The following DGKB variants were observed in gnomAD, a reference collection of about 807,000 sequenced individuals.
DGKB encodes the protein 90 kDa diacylglycerol kinase.
A neutral mutation model predicts 114.3 loss-of-function variants in DGKB; 67 were observed. That is an observed-to-expected ratio of 0.59 (90% CI 0.48 to 0.72). DGKB has a LOEUF of 0.72. Among genes scored for constraint, DGKB ranks in the 30% least tolerant of loss-of-function variants. The pLI is 0.00. For missense variants in DGKB, 907 were observed against 975.2 expected (o/e 0.93, Z 0.93); for synonymous variants, 398 against 323.1 (o/e 1.23, Z -2.49).
At chr7:14,277,251 A>C (rs1799159458) in intron 23 of DGKB, among the ~76,000 whole-genome samples, 1 of 151,880 alleles carries the variant, frequency 6.6e-6, no homozygotes, top group South Asian at 2.1e-4. Context: ...GCTCACTGCA[A>C]CCTCCACCTC....
chr7:14,968,439 G>A (rs1035369919), intron 1 of DGKB, among the ~76,000 whole-genome samples: 1 of 152,220 alleles, frequency 6.6e-6, no homozygotes, highest in Middle Eastern at 3.4e-3. Context: ...AAAATTGTAA[G>A]ATTTCAAGAG....
intron 21 of DGKB, among the ~76,000 whole-genome samples, chr7:14,443,381 G>C (rs895274186): frequency 7.9e-5 from 12 of 152,022 alleles, no homozygotes; most frequent in Non-Finnish European, 1.5e-4. Context: ...CTTCTCGTAA[G>C]CAAAACCTTT....
chr7:14,843,200 G>C (rs1189872005), intron 1 of DGKB, among the ~76,000 whole-genome samples: 1 of 138,406 alleles, frequency 7.2e-6, no homozygotes, highest in East Asian at 2.2e-4. Flanking sequence ...CTGGGCAACA[G>C]AGCAAGATTC....
At chr7:14,930,489 T>G (rs114962154) in intron 1 of DGKB, among the ~76,000 whole-genome samples, 3,417 of 152,294 alleles carry the variant, frequency 0.022, 120 homozygotes, top group African/African-American at 0.077. Context: ...TGGGATTGCC[T>G]TTTTGAATTT....
At chr7:14,463,427 G>A (rs1398025973) in intron 21 of DGKB, among the ~76,000 whole-genome samples, 1 of 152,004 alleles carries the variant, frequency 6.6e-6, no homozygotes, top group Non-Finnish European at 1.5e-5. Flanking sequence ...TTAAAATAAT[G>A]TATCAGGTTT....
chr7:14,560,340 G>A (rs1796472123), intron 20 of DGKB, among the ~76,000 whole-genome samples: 1 of 152,040 alleles, frequency 6.6e-6, no homozygotes. Flanking sequence ...CTTTATTTAT[G>A]TCCGTTGATT....
chr7:14,675,784 T>G (rs760653405), intron 12 of DGKB, among the ~76,000 whole-genome samples: 1 of 152,000 alleles, frequency 6.6e-6, no homozygotes, highest in Non-Finnish European at 1.5e-5. Context: ...AGTCTATATT[T>G]GATAATATGC....
At chr7:14,702,599 A>T (rs1004934686) in intron 6 of DGKB, among the ~76,000 whole-genome samples, 1 of 152,154 alleles carries the variant, frequency 6.6e-6, no homozygotes, top group Non-Finnish European at 1.5e-5. Flanking sequence ...CACAGGTGCC[A>T]TTTTGAGATA....
At chr7:14,715,639 G>A (rs1403466784) in intron 6 of DGKB, among the ~76,000 whole-genome samples, 1 of 152,092 alleles carries the variant, frequency 6.6e-6, no homozygotes, top group Admixed American at 6.5e-5. Flanking sequence ...GAAGAATTAG[G>A]ATTGCATAAA....
intron 9 of DGKB, among the ~76,000 whole-genome samples, chr7:14,691,653 T>C (rs1822888120): frequency 1.3e-5 from 2 of 152,260 alleles, no homozygotes; most frequent in South Asian, 2.1e-4. Flanking sequence ...ATACATTTTA[T>C]TAAAAGACAG....
intron 17 of DGKB, among the ~76,000 whole-genome samples, chr7:14,601,051 T>C (rs1271872546): frequency 6.6e-6 from 1 of 152,172 alleles, no homozygotes; most frequent in Admixed American, 6.5e-5. Flanking sequence ...GACCTCTCCA[T>C]CCTTTGAAAT....
At chr7:14,900,530 T>C (rs906608528) in intron 1 of DGKB, among the ~76,000 whole-genome samples, 2 of 152,132 alleles carry the variant, frequency 1.3e-5, no homozygotes, top group African/African-American at 4.8e-5. Context: ...GATTTCGCGA[T>C]CAGCAGCTAT....
intron 13 of DGKB, among the ~76,000 whole-genome samples, chr7:14,636,850 A>G (rs1308516950): frequency 6.6e-6 from 1 of 151,966 alleles, no homozygotes; most frequent in African/African-American, 2.4e-5. Flanking sequence ...TTTTGTCTTT[A>G]TAAAATAACC....
At chr7:14,842,280 T>G (rs1408139256) in intron 1 of DGKB, among the ~76,000 whole-genome samples, 1 of 152,212 alleles carries the variant, frequency 6.6e-6, no homozygotes, top group African/African-American at 2.4e-5. Flanking sequence ...AAGACTCATT[T>G]GGTCTTAGTG....
At chr7:14,943,870 C>A (rs1378787823) in intron 1 of DGKB, among the ~76,000 whole-genome samples, 4 of 151,910 alleles carry the variant, frequency 2.6e-5, no homozygotes, top group Non-Finnish European at 5.9e-5. Flanking sequence ...TAACTCCTTA[C>A]CTGGTCCCCA....
intron 17 of DGKB, among the ~76,000 whole-genome samples, chr7:14,585,747 C>G (rs1355263978): frequency 6.6e-6 from 1 of 152,166 alleles, no homozygotes; most frequent in Non-Finnish European, 1.5e-5. Flanking sequence ...AGCACATGCT[C>G]ACTTGGTGTC....
At chr7:14,205,669 A>G (rs180929037) in intron 23 of DGKB, among the ~76,000 whole-genome samples, 26 of 152,076 alleles carry the variant, frequency 1.7e-4, no homozygotes, top group Non-Finnish European at 3.1e-4. Context: ...TAGACAGGAC[A>G]TGCTCTTTCC....
intron 13 of DGKB, among the ~76,000 whole-genome samples, chr7:14,672,700 C>T (rs1365782367): frequency 6.6e-6 from 1 of 152,048 alleles, no homozygotes; most frequent in African/African-American, 2.4e-5. Flanking sequence ...AGTGATAAAA[C>T]CTGAGTCAGC....
chr7:14,397,945 A>G (rs1376513587), intron 21 of DGKB, among the ~76,000 whole-genome samples: 1 of 152,128 alleles, frequency 6.6e-6, no homozygotes, highest in Non-Finnish European at 1.5e-5. Context: ...CAAAATGAAT[A>G]GTGGTACAAA....
Sources: allele counts gnomAD v4.1 joint callset (sites outside exome capture counted in the v4.1 genomes callset), GRCh38; gene constraint gnomAD v4.1.1; transcripts MANE v1.5; gene names NCBI Gene and HGNC (gene_info 2026-07-23, HGNC 2026-07-21).